Variants in SIDT1 observed in about 807,000 individuals in gnomAD.
SIDT1 encodes the protein SID1 transmembrane family, member 1.
In SIDT1, 101 loss-of-function variants were observed where a neutral mutation model predicts 107.5. The observed-to-expected ratio is 0.94, with a 90% CI of 0.80 to 1.11. The LOEUF (loss-of-function observed/expected upper bound fraction) is 1.11. SIDT1 is among the 50% of genes least tolerant of loss of function. The pLI is 0.00. For missense variants in SIDT1, 1,076 were observed against 1,058.2 expected (o/e 1.02, Z -0.23); for synonymous variants, 395 against 398.2 (o/e 0.99, Z 0.10).
rs192943955 is a variant in SIDT1, at chr3:113,548,721, C to T, written c.222+15478C>T. The stretch of plus-strand genomic sequence containing the variant: ...GGTCCTCTGTACAAATGTTATTAGA[C>T]TAACCCTTATCTTCCTGGCCACTTC... On this transcript the variant is annotated intron_variant, in intron 1 of 24. Transcript: ENST00000264852. 3.3e-5 allele frequency among the ~76,000 whole-genome samples: 5 copies of T among 152,230 alleles called. No individual in the cohort carries two copies. In the East Asian group the frequency reaches 9.6e-4, roughly 29 times the overall value.
At chr3:113,535,155 T>C (rs888638327) in intron 1 of SIDT1, among the ~76,000 whole-genome samples, 1 of 152,192 alleles carries the variant, frequency 6.6e-6, no homozygotes, top group Non-Finnish European at 1.5e-5. Context: ...GCGCCTGTAG[T>C]CCCAGCTACT....
chr3:113,581,621 C>T, intron 6 of SIDT1, 177 bp downstream of exon 6: 1 of 573,538 alleles, frequency 1.7e-6, no homozygotes, highest in Middle Eastern at 4.6e-4. Context: ...ACCTGTAATC[C>T]TAGCACTTTG....
At chr3:113,623,037 A>G (rs1341492908) in intron 21 of SIDT1, among the ~76,000 whole-genome samples, 1 of 151,798 alleles carries the variant, frequency 6.6e-6, no homozygotes, top group Non-Finnish European at 1.5e-5. Context: ...AAAAAATTTT[A>G]AAAGTTAGCT....
chr3:113,573,477 G>A (rs911381542), intron 3 of SIDT1, among the ~76,000 whole-genome samples: 2 of 152,194 alleles, frequency 1.3e-5, no homozygotes, highest in African/African-American at 4.8e-5. Context: ...ATCATAAGGG[G>A]CTGAGTAGAC....
chr3:113,575,286 A>C (rs1230288833), intron 3 of SIDT1, among the ~76,000 whole-genome samples: 2 of 152,192 alleles, frequency 1.3e-5, no homozygotes, highest in African/African-American at 2.4e-5. Flanking sequence ...TGCAGACAAG[A>C]GAGTAAGGAG....
rs772854038 is a variant in SIDT1 at position 113,623,732 on chromosome 3, A to G, written c.2306A>G (p.Glu769Gly). 10 of 1,608,958 alleles carry G rather than the reference A, an allele frequency of 6.2e-6. No individual in the cohort carries two copies. The highest frequency in any genetic ancestry group is 6.8e-6 in the Non-Finnish European group (8 of 1,175,738). ...TTCTTCCAGAATCTCAGCAGCTGGG[A>G]GGTAAGAGGCCAGTTTTCTTATCCA... is the stretch of plus-strand genomic sequence containing the variant. Reference protein sequence around the residue: ...YFFFQNLSSWEGTPAESREKN... With the variant: ...YFFFQNLSSWGGTPAESREKN... The change falls in exon 23 of 25, where the codon GAG (glutamate) becomes GGG (glycine). Residue 769 changes from glutamate to glycine, a missense_variant and splice_region_variant. By Grantham distance (98) the Glu-to-Gly change is moderately conservative (BLOSUM62 -2). Coordinates refer to ENST00000264852, the MANE Select transcript of SIDT1 (RefSeq NM_017699.3).
chr3:113,596,725 C>T (rs906564699), intron 10 of SIDT1, among the ~76,000 whole-genome samples: 2 of 152,206 alleles, frequency 1.3e-5, no homozygotes, highest in Non-Finnish European at 1.5e-5. Context: ...AGAGCCTCTA[C>T]AGAAATTCAG....
chr3:113,533,463 G>A (rs916089305), intron 1 of SIDT1, among the ~76,000 whole-genome samples: 1 of 152,206 alleles, frequency 6.6e-6, no homozygotes, highest in Non-Finnish European at 1.5e-5. Context: ...GCCTGGTCAA[G>A]GGCATTGCTG....
intron 1 of SIDT1, among the ~76,000 whole-genome samples, chr3:113,555,657 T>C (rs186244186): frequency 6.6e-6 from 1 of 152,290 alleles, no homozygotes; most frequent in East Asian, 1.9e-4. Flanking sequence ...ATTGGCTAGA[T>C]GAGGTCTGGA....
In SIDT1 at chr3:113,533,335, G is replaced by A. The variant is rs78886588; in HGVS notation, c.222+92G>A. ...TGGAGTCCCCTGGGAATTGACCTTG[G>A]GAGACTTCGGGGACCAGGGGACTTT... On this transcript the variant is annotated intron_variant, in intron 1 of 24. Transcript: ENST00000264852. 6,942 of 994,118 alleles carry A rather than the reference G, an allele frequency of 7.0e-3. 110 individuals are homozygous for A. The highest frequency in any genetic ancestry group is 0.057 in the African/African-American group (3,353 of 58,326). 61.6% of individuals were successfully genotyped at this position (994,118 alleles called of 1,614,324 possible).
chr3:113,592,147 T>A (rs755384424), intron 9 of SIDT1, among the ~76,000 whole-genome samples: 1 of 152,068 alleles, frequency 6.6e-6, no homozygotes. Flanking sequence ...GAGTGGGGAA[T>A]GGGGAGTGAC....
At chr3:113,610,865 G>C (rs1945685021) in intron 17 of SIDT1, 143 bp from the exon 18 acceptor site, 3 of 940,922 alleles carry the variant, frequency 3.2e-6, no homozygotes, top group Non-Finnish European at 4.8e-6. Flanking sequence ...TGACATGTTA[G>C]AGGTCTCCAC....
At position 113,572,663 on chromosome 3, in the gene SIDT1, T is replaced by C. The variant is rs79381891; in HGVS notation, c.516-4259T>C. Among the ~76,000 whole-genome samples the C allele has an allele frequency of 4.2e-3, 643 of 152,350 alleles. 3 individuals carry two copies. Among genetic ancestry groups the C allele is most frequent in the African/African-American group, 0.014 (598 of 41,570 alleles). ...AAAATGATTAGAACTTGAATGTGTATGGCAGCAACAAGGTTGTAAGGGAGA... is the reference window on the plus strand; with the variant it reads ...AAAATGATTAGAACTTGAATGTGTACGGCAGCAACAAGGTTGTAAGGGAGA... On this transcript the variant is annotated intron_variant, in intron 3 of 24. Transcript: ENST00000264852.
chr3:113,610,597 A>G (rs886709013), intron 17 of SIDT1, among the ~76,000 whole-genome samples: 4 of 152,210 alleles, frequency 2.6e-5, no homozygotes, highest in African/African-American at 9.7e-5. Context: ...ACGACCTCCC[A>G]CACCCATCTG....
intron 4 of SIDT1, 127 bp downstream of exon 4, chr3:113,577,094 A>T (rs945694600): frequency 1.2e-6 from 1 of 854,948 alleles, no homozygotes; most frequent in Non-Finnish European, 2.0e-6. Context: ...AACTTGAAGT[A>T]TATTTGTATT....
the SIDT1 span, among the ~76,000 whole-genome samples, chr3:113,636,476 G>A: frequency 6.6e-6 from 1 of 152,022 alleles, no homozygotes; most frequent in Non-Finnish European, 1.5e-5. Flanking sequence ...AAAAAGGTGG[G>A]GGGGATATAA....
At chr3:113,582,763 T>C (rs75554836) in intron 6 of SIDT1, among the ~76,000 whole-genome samples, 4,079 of 152,084 alleles carry the variant, frequency 0.027, 99 homozygotes, top group East Asian at 0.11. Flanking sequence ...AACAAAATGA[T>C]TTACAGCTAT....
rs1945518186 is a variant in SIDT1 at position 113,608,657 on chromosome 3, A to G, written c.1720+121A>G. 3 of 733,098 alleles carry G rather than the reference A, an allele frequency of 4.1e-6. No homozygotes were observed. In the African/African-American group the frequency reaches 5.2e-5, roughly 13 times the overall value. The allele number at this position is 733,098 out of a possible 1,614,324, so 45.4% of individuals were successfully genotyped here. On this transcript the variant is annotated intron_variant, in intron 17 of 24. Coordinates refer to ENST00000264852, the MANE Select transcript of SIDT1 (RefSeq NM_017699.3). ...ATGGCATTTTATGTGAGCTGAAGAG[A>G]TCAGAGAGGACCTCCACACAGAGCA... is the stretch of plus-strand genomic sequence containing the variant.
At chr3:113,571,490 A>ACACACACACACACACACG (rs1468782709) in intron 3 of SIDT1, among the ~76,000 whole-genome samples, 2 of 149,210 alleles carry the variant, frequency 1.3e-5, no homozygotes, top group Non-Finnish European at 2.9e-5. Context: ...TCCTCTGCAC[A>ACACACACACACACACACG]CACACACACA....
Sources: allele counts gnomAD v4.1 joint callset (sites outside exome capture counted in the v4.1 genomes callset), GRCh38; gene constraint gnomAD v4.1.1; transcripts MANE v1.5; gene names NCBI Gene and HGNC (gene_info 2026-07-23, HGNC 2026-07-21).